SLC39A11: variants seen among roughly 807,000 people sequenced by gnomAD.
The protein encoded by SLC39A11 is zinc transporter ZIP11.
A neutral mutation model predicts 36.1 loss-of-function variants in SLC39A11; 33 were observed. The ratio of observed to expected loss-of-function variants is 0.91; its 90% CI spans 0.69 to 1.22. The LOEUF (loss-of-function observed/expected upper bound fraction) is 1.22, where lower values mean the gene tolerates loss of function less well. SLC39A11 is among the 50% of genes most tolerant of loss of function. The pLI is 0.00. For synonymous variants in SLC39A11, 166 were observed against 170.3 expected, an observed-to-expected ratio of 0.97 and a Z score of 0.20; for missense variants, 432 against 430.3, an observed-to-expected ratio of 1.00 and a Z score of -0.03.
chr17:72,860,915 G>A (rs1411980970), intron 5 of SLC39A11, among the ~76,000 whole-genome samples: 1 of 152,130 alleles, frequency 6.6e-6, no homozygotes, highest in Non-Finnish European at 1.5e-5. Flanking sequence ...TGCCAAACGA[G>A]GGTAATAGTA....
At chr17:73,000,008 C>T (rs921976743) in intron 4 of SLC39A11, among the ~76,000 whole-genome samples, 1 of 152,114 alleles carries the variant, frequency 6.6e-6, no homozygotes, top group Non-Finnish European at 1.5e-5. Context: ...TCCCAAAGTG[C>T]TGGGATTACA....
At chr17:72,978,197 CCTTCCT>C (rs10523255) in intron 4 of SLC39A11, among the ~76,000 whole-genome samples, 7 of 151,676 alleles carry the variant, frequency 4.6e-5, no homozygotes, top group East Asian at 3.9e-4. Context: ...GCGTTCCCTG[CCTTCCT>C]CTTCCTCTTC....
At chr17:73,033,942 AC>A (rs2058822541) in intron 3 of SLC39A11, among the ~76,000 whole-genome samples, 1 of 152,094 alleles carries the variant, frequency 6.6e-6, no homozygotes. Context: ...TCTTAGTGCC[AC>A]CCATGGAAAC....
chr17:72,716,952 G>A (rs1189561454), intron 7 of SLC39A11, among the ~76,000 whole-genome samples: 1 of 141,714 alleles, frequency 7.1e-6, no homozygotes, highest in Non-Finnish European at 1.5e-5. Context: ...CTGGGAAACA[G>A]AGGGAGACCC....
At chr17:72,881,304 T>C (rs1017251939) in intron 5 of SLC39A11, among the ~76,000 whole-genome samples, 1 of 152,182 alleles carries the variant, frequency 6.6e-6, no homozygotes, top group African/African-American at 2.4e-5. Context: ...GGTATATCCA[T>C]AAACAAAATA....
intron 3 of SLC39A11, among the ~76,000 whole-genome samples, chr17:73,080,955 AAAAT>A (rs137991770): frequency 0.28 from 41,134 of 146,774 alleles, 6,102 homozygotes; most frequent in East Asian, 0.43. Flanking sequence ...AAAAAACAAT[AAAAT>A]AAATAAATAA....
intron 7 of SLC39A11, among the ~76,000 whole-genome samples, chr17:72,673,692 C>A (rs2071123050): frequency 6.6e-6 from 1 of 152,046 alleles, no homozygotes; most frequent in South Asian, 2.1e-4. Context: ...CATTTGGGCT[C>A]CCCCATATTT....
At chr17:73,007,812 T>C (rs897840132) in intron 4 of SLC39A11, among the ~76,000 whole-genome samples, 14 of 152,132 alleles carry the variant, frequency 9.2e-5, no homozygotes, top group Non-Finnish European at 1.3e-4. Flanking sequence ...TCAGAAACAT[T>C]TGTGGTTGGG....
intron 3 of SLC39A11, among the ~76,000 whole-genome samples, chr17:73,042,780 C>T (rs1172497148): frequency 6.6e-6 from 1 of 152,078 alleles, no homozygotes; most frequent in East Asian, 1.9e-4. Context: ...GCAGCCTGGG[C>T]AACAAGAGTG....
intron 7 of SLC39A11, among the ~76,000 whole-genome samples, chr17:72,700,939 A>C (rs963065013): frequency 2.6e-5 from 4 of 152,246 alleles, no homozygotes; most frequent in African/African-American, 9.6e-5. Context: ...TAAGGGAATT[A>C]GGGGAGCTAC....
At chr17:72,873,823 A>G (rs1366521941) in intron 5 of SLC39A11, among the ~76,000 whole-genome samples, 1 of 152,188 alleles carries the variant, frequency 6.6e-6, no homozygotes, top group Non-Finnish European at 1.5e-5. Flanking sequence ...TTGAATTGTA[A>G]TAATCCCCAT....
intron 4 of SLC39A11, among the ~76,000 whole-genome samples, chr17:72,994,573 G>A (rs1021969820): frequency 1.3e-5 from 2 of 152,132 alleles, no homozygotes; most frequent in African/African-American, 4.8e-5. Flanking sequence ...TACGTTTGTT[G>A]TATAAAGTTT....
intron 5 of SLC39A11, among the ~76,000 whole-genome samples, chr17:72,896,749 C>T (rs569810798): frequency 2.0e-5 from 3 of 151,906 alleles, no homozygotes; most frequent in East Asian, 3.9e-4. Context: ...TGGGAAATGA[C>T]GCTTAAGAAA....
chr17:73,051,516 G>A (rs1032724159), intron 3 of SLC39A11, among the ~76,000 whole-genome samples: 1 of 151,474 alleles, frequency 6.6e-6, no homozygotes, highest in Admixed American at 6.6e-5. Flanking sequence ...ACACAGTGAA[G>A]GAGGACAGGT....
At position 73,019,497 on chromosome 17, in the gene SLC39A11, T is replaced by C. The variant is rs186581600; in HGVS notation, c.306+12059A>G. Among the ~76,000 whole-genome samples the C allele has an allele frequency of 2.1e-3, 326 of 152,290 alleles. 3 individuals are homozygous for C. The highest frequency in any genetic ancestry group is 6.8e-3 in the Middle Eastern group (2 of 294). On this transcript the variant is annotated intron_variant, in intron 4 of 9. Coordinates refer to ENST00000255559, the MANE Select transcript of SLC39A11 (RefSeq NM_139177.4). Reference sequence around the variant, plus strand: ...CATGAAGTGTTAATTCGAGGTAGACTATGATAAGACAATTACAAGGTAGAC... The same window carrying C: ...CATGAAGTGTTAATTCGAGGTAGACCATGATAAGACAATTACAAGGTAGAC...
intron 4 of SLC39A11, among the ~76,000 whole-genome samples, chr17:73,000,471 T>G (rs1226611112): frequency 6.6e-6 from 1 of 152,190 alleles, no homozygotes; most frequent in Non-Finnish European, 1.5e-5. Context: ...CACATAGGCC[T>G]CTGGTGCTGC....
intron 7 of SLC39A11, among the ~76,000 whole-genome samples, chr17:72,728,658 G>A (rs967027382): frequency 2.0e-5 from 3 of 152,124 alleles, no homozygotes; most frequent in African/African-American, 7.2e-5. Flanking sequence ...CCAGAAATAG[G>A]TGTTGGGCCA....
At chr17:72,952,447 T>C (rs893180223) in intron 4 of SLC39A11, among the ~76,000 whole-genome samples, 1 of 152,148 alleles carries the variant, frequency 6.6e-6, no homozygotes, top group Non-Finnish European at 1.5e-5. Context: ...CTCAACCTGC[T>C]GGGCTGACAT....
intron 5 of SLC39A11, among the ~76,000 whole-genome samples, chr17:72,856,699 G>A (rs1316374730): frequency 6.7e-6 from 1 of 148,688 alleles, no homozygotes; most frequent in African/African-American, 2.5e-5. Context: ...TTTCTTTTTT[G>A]AGATAGATTC....
Sources: allele counts gnomAD v4.1 joint callset (sites outside exome capture counted in the v4.1 genomes callset), GRCh38; gene constraint gnomAD v4.1.1; transcripts MANE v1.5; gene names NCBI Gene and HGNC (gene_info 2026-07-23, HGNC 2026-07-21).